Variants in LAMC3 observed in about 807,000 individuals in gnomAD.
LAMC3 encodes laminin subunit gamma-3.
In LAMC3, 128 loss-of-function variants were observed where a neutral mutation model predicts 173.8. The ratio of observed to expected loss-of-function variants is 0.74; its 90% CI spans 0.64 to 0.85. The LOEUF (loss-of-function observed/expected upper bound fraction) is 0.85. Ranked by LOEUF, LAMC3 falls within the 40% of genes least tolerant of loss-of-function variation. The pLI is 0.00. For synonymous variants in LAMC3, 897 were observed against 909.1 expected (o/e 0.99, Z 0.24); for missense variants, 2,022 against 2,156.0 (o/e 0.94, Z 1.23).
intron 1 of LAMC3, among the ~76,000 whole-genome samples, chr9:131,024,270 C>T (rs369594243): frequency 5.3e-5 from 8 of 151,666 alleles, no homozygotes; most frequent in East Asian, 1.9e-4. Flanking sequence ...CTCAGCCTCC[C>T]GAGTAGCTGG....
rs763182921 is a variant in LAMC3, at chr9:131,036,202, C to T, written c.846C>T (p.Pro282=). Residue 282 remains proline (P), a synonymous_variant, in exon 4 of 28, where the codon CCC becomes CCT. Transcript: ENST00000361069. ...KCNGHASECG[P]DVAGQLACRC... ...ACGGGCATGCCAGCGAGTGCGGCCC[C>T]GACGTGGCAGGCCAGTTGGCCTGCC... 3.5e-5 allele frequency: 56 copies of T among 1,613,012 alleles called. 1 individual carries two copies. In the South Asian group the frequency reaches 4.6e-4, roughly 13 times the overall value.
chr9:131,052,386 A>G, intron 9 of LAMC3, 105 bp from the exon 10 acceptor site: 1 of 1,080,254 alleles, frequency 9.3e-7, no homozygotes, highest in Admixed American at 1.7e-5. Context: ...TACCCACTGC[A>G]CTTTTATCTT....
chr9:131,055,131 G>A (rs534842565), intron 11 of LAMC3, among the ~76,000 whole-genome samples: 1 of 152,218 alleles, frequency 6.6e-6, no homozygotes, highest in Non-Finnish European at 1.5e-5. Flanking sequence ...CAGTATAAGT[G>A]TCGCTTTAGG....
At chr9:131,068,860 G>A in intron 15 of LAMC3, 48 bp from the exon 16 acceptor site, 1 of 1,609,698 alleles carries the variant, frequency 6.2e-7, no homozygotes, top group Non-Finnish European at 8.5e-7. Flanking sequence ...GGCTGGGCCA[G>A]GAGTGGCCCT....
At chr9:131,081,757 G>T (rs1293859498) in intron 23 of LAMC3, among the ~76,000 whole-genome samples, 1 of 152,214 alleles carries the variant, frequency 6.6e-6, no homozygotes, top group African/African-American at 2.4e-5. Context: ...TTACAGGTGT[G>T]AGTCTCTGTG....
intron 25 of LAMC3, 188 bp downstream of exon 25, chr9:131,085,911 G>A: frequency 1.5e-6 from 1 of 677,760 alleles, no homozygotes; most frequent in Non-Finnish European, 2.7e-6. Flanking sequence ...TGTCATTGCT[G>A]TCCCCATTGT....
At chr9:131,036,112 T>C in intron 3 of LAMC3, 54 bp from the exon 4 acceptor site, 7 of 1,597,738 alleles carry the variant, frequency 4.4e-6, no homozygotes, top group Non-Finnish European at 6.0e-6. Context: ...ACTAACTCCT[T>C]GTCTGCCCTG....
chr9:131,081,441 C>CTCT (rs1830237346), intron 23 of LAMC3, among the ~76,000 whole-genome samples: 1 of 116,568 alleles, frequency 8.6e-6, no homozygotes, highest in Admixed American at 8.4e-5. Flanking sequence ...AGTGTTCCCT[C>CTCT]CCTCCCTCCC....
chr9:131,067,736 C>T (rs1829964456), intron 14 of LAMC3, among the ~76,000 whole-genome samples: 1 of 152,080 alleles, frequency 6.6e-6, no homozygotes, highest in Non-Finnish European at 1.5e-5. Context: ...TGGCAGTGGC[C>T]AGGAGAACAG....
chr9:131,039,287 T>C (rs1834002337), intron 6 of LAMC3, 39 bp downstream of exon 6: 1 of 1,524,984 alleles, frequency 6.6e-7, no homozygotes, highest in East Asian at 2.2e-5. Flanking sequence ...CACATTGCAC[T>C]GAATGACAAG....
In LAMC3 at chr9:131,069,774, A is replaced by C; in HGVS notation, c.2993A>C (p.His998Pro). 1 of 1,595,988 alleles carries C rather than the reference A, an allele frequency of 6.3e-7. No homozygotes were observed. The highest frequency in any genetic ancestry group is 1.1e-5 in the South Asian group (1 of 88,042). Reference sequence around the variant, plus strand: ...GAGGGCTACAAATGTGACCGCTGCCACGACAACTTCTTCCTCACGGCAGAC... The same window carrying C: ...GAGGGCTACAAATGTGACCGCTGCCCCGACAACTTCTTCCTCACGGCAGAC... ...GFEGYKCDRC[H>P]DNFFLTADGT... is the part of the protein sequence containing the mutation. The change falls in exon 17 of 28, where the codon CAC becomes CCC. Residue 998 changes from histidine (H) to proline (P), a missense_variant. Coordinates refer to ENST00000361069, the MANE Select transcript of LAMC3 (RefSeq NM_006059.4).
At position 131,009,617 on chromosome 9, in the gene LAMC3, C is replaced by T. The variant is rs1298834754; in HGVS notation, c.373+30C>T. 7.7e-6 allele frequency: 12 copies of T among 1,554,050 alleles called. No individual in the cohort carries two copies. Among genetic ancestry groups the T allele is most frequent in the Non-Finnish European group, 9.6e-6 (11 of 1,151,262 alleles). On this transcript the variant is annotated intron_variant, in intron 1 of 27. Coordinates refer to ENST00000361069, the MANE Select transcript of LAMC3 (RefSeq NM_006059.4). The surrounding 1 kb of genome is among the most constrained non-coding windows in gnomAD (Gnocchi z 4.3). ...GCGCGGGCTGGGGGCACCGCCACCG[C>T]ACCCCGTGTCCCCACTCCACTGGGG...
intron 23 of LAMC3, 90 bp from the exon 24 acceptor site, chr9:131,081,969 C>A (rs1244029487): frequency 4.6e-6 from 4 of 871,670 alleles, no homozygotes; most frequent in Non-Finnish European, 1.9e-6. Context: ...GATTTGGGCA[C>A]CCATGTATGT....
intron 23 of LAMC3, among the ~76,000 whole-genome samples, chr9:131,080,579 G>A (rs1008987266): frequency 2.6e-5 from 4 of 152,112 alleles, no homozygotes; most frequent in Admixed American, 2.0e-4. Flanking sequence ...CATCACACCC[G>A]GCTTCCATTC....
chr9:131,013,795 C>T (rs1320688301), intron 1 of LAMC3, among the ~76,000 whole-genome samples: 3 of 151,996 alleles, frequency 2.0e-5, no homozygotes, highest in African/African-American at 7.2e-5. Flanking sequence ...GTCTGGCCAG[C>T]CACAGCGAGG....
intron 11 of LAMC3, among the ~76,000 whole-genome samples, chr9:131,053,276 C>A (rs959086368): frequency 3.3e-5 from 5 of 152,196 alleles, no homozygotes; most frequent in African/African-American, 1.2e-4. Flanking sequence ...TCCACCTTCA[C>A]TGGATCCACC....
At chr9:131,036,812 A>G (rs1027065724) in intron 4 of LAMC3, among the ~76,000 whole-genome samples, 2 of 152,204 alleles carry the variant, frequency 1.3e-5, no homozygotes, top group East Asian at 3.8e-4. Context: ...TGTCTTCTCC[A>G]GGGACACAGG....
intron 25 of LAMC3, 131 bp from the exon 26 acceptor site, chr9:131,087,345 G>A: frequency 1.7e-6 from 2 of 1,162,530 alleles, no homozygotes; most frequent in South Asian, 2.5e-5. Flanking sequence ...CATATTTGTT[G>A]CGTGCATGAA....
intron 1 of LAMC3, among the ~76,000 whole-genome samples, chr9:131,014,253 ACT>A (rs1833479179): frequency 6.6e-6 from 1 of 151,902 alleles, no homozygotes; most frequent in Non-Finnish European, 1.5e-5. Context: ...GGGCCGAGGC[ACT>A]CTCTCTCCTC....
Sources: gnomAD v4.1 joint callset for allele counts (sites outside exome capture counted in the v4.1 genomes callset) on GRCh38, gnomAD v4.1.1 for gene constraint, Gnocchi (gnomAD v3.1) non-coding constraint, MANE v1.5 for transcripts, NCBI Gene and HGNC (gene_info 2026-07-23, HGNC 2026-07-21) for gene names.